The following TATDN1 variants were observed in gnomAD, a reference collection of about 807,000 sequenced individuals.
The protein encoded by TATDN1 is deoxyribonuclease TATDN1.
TATDN1 carries 40 observed loss-of-function variants against 46.4 expected under a neutral mutation model. The ratio of observed to expected loss-of-function variants is 0.86; its 90% CI spans 0.67 to 1.12. The LOEUF is 1.12. Among genes scored for constraint, TATDN1 ranks in the 50% most tolerant of loss-of-function variants. TATDN1 has a pLI of 0.00. For missense variants in TATDN1, 326 were observed against 348.4 expected (o/e 0.94, Z 0.51); for synonymous variants, 95 against 105.6 (o/e 0.90, Z 0.62).
intron 9 of TATDN1, among the ~76,000 whole-genome samples, chr8:124,501,985 T>C (rs1347849391): frequency 6.6e-6 from 1 of 152,188 alleles, no homozygotes; most frequent in Non-Finnish European, 1.5e-5. Flanking sequence ...TGGGACAGTA[T>C]AAATTCTCAA....
chr8:124,530,477 A>C (rs1820861108), intron 1 of TATDN1, among the ~76,000 whole-genome samples: 1 of 152,234 alleles, frequency 6.6e-6, no homozygotes, highest in Non-Finnish European at 1.5e-5. Context: ...GGGAAAGGTG[A>C]CAGTGCAGGT....
chr8:124,536,931 A>G (rs1245372265), intron 1 of TATDN1, among the ~76,000 whole-genome samples: 1 of 152,204 alleles, frequency 6.6e-6, no homozygotes, highest in East Asian at 1.9e-4. Flanking sequence ...GATATGTTGT[A>G]TTTTTATGAA....
chr8:124,520,942 C>CAAAAA (rs1162309758), intron 3 of TATDN1, among the ~76,000 whole-genome samples: 4 of 82,244 alleles, frequency 4.9e-5, no homozygotes, highest in Admixed American at 1.4e-4. Flanking sequence ...GACTCCGTCT[C>CAAAAA]AAAAAAAAAA....
intron 11 of TATDN1, among the ~76,000 whole-genome samples, chr8:124,490,522 A>G (rs1402455695): frequency 2.0e-5 from 3 of 152,230 alleles, no homozygotes; most frequent in African/African-American, 7.2e-5. Context: ...AAAAAAAGAA[A>G]AAAGAAAAAA....
In TATDN1 at chr8:124,539,072, C is replaced by T. The variant is rs749697353; in HGVS notation, c.-26G>A. 68 of 1,611,958 alleles carry T rather than the reference C, an allele frequency of 4.2e-5. No homozygotes were observed. In the Admixed American group the frequency reaches 1.1e-3, roughly 26 times the overall value. Reference sequence around the variant, plus strand: ...GACTGCGCATGGAGGACCTCCCCAGCGGAAGCGGAAGTGGCCGCCGGCAAC... The same window carrying T: ...GACTGCGCATGGAGGACCTCCCCAGTGGAAGCGGAAGTGGCCGCCGGCAAC... On this transcript the variant is annotated 5_prime_UTR_variant, in exon 1 of 12. Transcript: ENST00000276692.
chr8:124,517,987 G>A (rs536004979), intron 4 of TATDN1, among the ~76,000 whole-genome samples: 36 of 152,030 alleles, frequency 2.4e-4, no homozygotes, highest in Admixed American at 7.2e-4. Context: ...CGAGGCAGGC[G>A]GATCACGAGG....
rs972256468 is a variant in TATDN1 at position 124,534,545 on chromosome 8, C to T, written c.22+4480G>A. On this transcript the variant is annotated intron_variant, in intron 1 of 11. Coordinates refer to ENST00000276692, the MANE Select transcript of TATDN1 (RefSeq NM_032026.4). ...GTTGCCCAGGCTGGTCTTGAACTCC[C>T]GGGCTCAAGCAGTCCTCCCACCTTG... Among the ~76,000 whole-genome samples, 9 of 152,208 alleles carry T rather than the reference C, an allele frequency of 5.9e-5. No homozygotes were observed. In the East Asian group the frequency reaches 9.6e-4, roughly 16 times the overall value.
chr8:124,490,831 ATCACACAGTGGT>A (rs1816931305), intron 11 of TATDN1, among the ~76,000 whole-genome samples: 1 of 150,240 alleles, frequency 6.7e-6, no homozygotes, highest in Non-Finnish European at 1.5e-5. Flanking sequence ...ACTGTGTGTG[ATCACACAGTGGT>A]GTGATCTTGG....
chr8:124,496,307 G>A (rs1817462378), intron 9 of TATDN1, among the ~76,000 whole-genome samples: 1 of 152,150 alleles, frequency 6.6e-6, no homozygotes, highest in Non-Finnish European at 1.5e-5. Flanking sequence ...CATAGTGGTA[G>A]GTACGTTTAT....
chr8:124,536,410 G>A (rs1042723952), intron 1 of TATDN1, among the ~76,000 whole-genome samples: 16 of 152,162 alleles, frequency 1.1e-4, no homozygotes, highest in Non-Finnish European at 2.4e-4. Flanking sequence ...AGCCTGGTAT[G>A]GTGGTGAGCA....
intron 9 of TATDN1, among the ~76,000 whole-genome samples, chr8:124,500,976 C>A (rs1171743720): frequency 2.6e-5 from 4 of 152,088 alleles, no homozygotes; most frequent in Non-Finnish European, 5.9e-5. Flanking sequence ...TGGAGTAAGG[C>A]AGGGACTGAA....
chr8:124,491,093 T>A (rs1330881338), intron 11 of TATDN1: 1 of 151,674 alleles, frequency 6.6e-6, no homozygotes, highest in African/African-American at 2.4e-5. Flanking sequence ...CAGGCAAAGG[T>A]TTTTAAAGTC....
At chr8:124,515,684 A>C in intron 6 of TATDN1, 62 bp downstream of exon 6, 3 of 1,500,470 alleles carry the variant, frequency 2.0e-6, no homozygotes, top group Non-Finnish European at 2.8e-6. Flanking sequence ...CACCTGATAC[A>C]AGATATTTTA....
chr8:124,488,506 A>G lies in TATDN1; in HGVS notation c.*88T>C. ...CCGATATATAGTATTTCTTTAGACA[A>G]CTTGCAGATAATTTCTTTATTGAAA... is the stretch of plus-strand genomic sequence containing the variant. On this transcript the variant is annotated 3_prime_UTR_variant, in exon 12 of 12. Transcript: ENST00000276692. 2 of 682,456 alleles carry G rather than the reference A, an allele frequency of 2.9e-6. No individual in the cohort carries two copies. Among genetic ancestry groups the G allele is most frequent in the Non-Finnish European group, 5.1e-6 (2 of 390,030 alleles). 42.3% of individuals were successfully genotyped at this position (682,456 alleles called of 1,614,324 possible).
At chr8:124,524,767 T>TAGATC (rs967626067) in intron 1 of TATDN1, among the ~76,000 whole-genome samples, 4 of 152,180 alleles carry the variant, frequency 2.6e-5, no homozygotes, top group Admixed American at 6.5e-5. Flanking sequence ...TGCCACCAAG[T>TAGATC]AGAATGGGGA....
At chr8:124,506,390 G>A (rs1035485644) in intron 8 of TATDN1, among the ~76,000 whole-genome samples, 12 of 150,666 alleles carry the variant, frequency 8.0e-5, no homozygotes, top group African/African-American at 2.9e-4. Context: ...TAAAGCAAAT[G>A]GGCTGAGAGG....
At chr8:124,501,000 G>A (rs1254399450) in intron 9 of TATDN1, among the ~76,000 whole-genome samples, 2 of 152,172 alleles carry the variant, frequency 1.3e-5, no homozygotes, top group Non-Finnish European at 2.9e-5. Context: ...GAGATTCTTT[G>A]AGAAAACTCC....
rs1259934056 is a variant in TATDN1, at chr8:124,538,810, AT to A, written c.22+214del. 655 of 613,042 alleles carry A rather than the reference AT, an allele frequency of 1.1e-3. 13 individuals are homozygous for A. The South Asian group carries it at 0.012, about 11-fold the overall frequency. 38.0% of individuals were successfully genotyped at this position (613,042 alleles called of 1,614,324 possible). A position where few individuals can be genotyped will look rare whatever the true frequency, so the allele number is the denominator to read the frequency against. Reference sequence around the variant, plus strand: ...AAAATCATAACTGTACGGCTTGTTAATTTTTACAAATAAATACACCCTCGTG... The same window carrying A: ...AAAATCATAACTGTACGGCTTGTTAATTTTACAAATAAATACACCCTCGTG... On this transcript the variant is annotated intron_variant, in intron 1 of 11. Coordinates refer to ENST00000276692, the MANE Select transcript of TATDN1 (RefSeq NM_032026.4).
At chr8:124,538,894 C>G in intron 1 of TATDN1, 131 bp downstream of exon 1, 1 of 1,019,646 alleles carries the variant, frequency 9.8e-7, no homozygotes, top group Admixed American at 2.0e-5. Context: ...CCTCCCCGCG[C>G]CCTCCTCCAC....
Sources: allele counts gnomAD v4.1 joint callset (sites outside exome capture counted in the v4.1 genomes callset), GRCh38; gene constraint gnomAD v4.1.1; transcripts MANE v1.5; gene names NCBI Gene and HGNC (gene_info 2026-07-23, HGNC 2026-07-21).